VWDE: variants seen among roughly 807,000 people sequenced by gnomAD.
VWDE encodes von Willebrand factor D and EGF domains.
A neutral mutation model predicts 178.4 loss-of-function variants in VWDE; 207 were observed. The ratio of observed to expected loss-of-function variants is 1.16; its 90% CI spans 1.04 to 1.30. The LOEUF (loss-of-function observed/expected upper bound fraction) is 1.30. Among genes scored for constraint, VWDE ranks in the 50% most tolerant of loss-of-function variants. The probability of loss-of-function intolerance (pLI) is 0.00; values close to 1 mark genes in which losing one functional copy is unlikely to be tolerated. For synonymous variants in VWDE, 738 were observed against 651.4 expected (o/e 1.13, Z -2.02); for missense variants, 2,287 against 1,901.3 (o/e 1.20, Z -3.77).
At chr7:12,391,448 T>C (rs113555189) in intron 2 of VWDE, among the ~76,000 whole-genome samples, 20 of 152,304 alleles carry the variant, frequency 1.3e-4, no homozygotes, top group African/African-American at 4.8e-4. Flanking sequence ...GGTTAGCTGA[T>C]CTCCAGGAAA....
rs569143066 is a variant in VWDE, at chr7:12,336,483, T to C, written c.4559-247A>G. On this transcript the variant is annotated intron_variant, in intron 26 of 28. Coordinates refer to ENST00000275358, the MANE Select transcript of VWDE (RefSeq NM_001135924.3). ...TCGTGATTTAACTTTTCTCCAGTTG[T>C]TGGACATCTATGTTGCTTCTCATTT... Among the ~76,000 whole-genome samples, 199 of 152,350 alleles carry C rather than the reference T, an allele frequency of 1.3e-3. 1 individual carries two copies. The highest frequency in any genetic ancestry group is 4.5e-3 in the African/African-American group (187 of 41,576).
chr7:12,331,760 A>G (rs1247714363), intron 28 of VWDE, among the ~76,000 whole-genome samples: 2 of 152,142 alleles, frequency 1.3e-5, no homozygotes, highest in East Asian at 3.9e-4. Flanking sequence ...AACTTGCCTG[A>G]AATCACAGAG....
chr7:12,397,718 G>A (rs540091766), intron 1 of VWDE, among the ~76,000 whole-genome samples: 23 of 151,940 alleles, frequency 1.5e-4, no homozygotes, highest in African/African-American at 5.3e-4. Flanking sequence ...ATATTTCAAC[G>A]AGAAAAAACA....
At chr7:12,356,088 T>C (rs1166399951) in intron 18 of VWDE, 23 bp downstream of exon 18, 3 of 1,540,922 alleles carry the variant, frequency 1.9e-6, no homozygotes, top group East Asian at 2.5e-5. Flanking sequence ...CTTTCTAATT[T>C]GTTATGAGGA....
chr7:12,392,692 G>T (rs561620575), intron 2 of VWDE, among the ~76,000 whole-genome samples: 1 of 151,430 alleles, frequency 6.6e-6, no homozygotes, highest in Non-Finnish European at 1.5e-5. Context: ...AAATGTATTT[G>T]TCAAATGAAA....
chr7:12,336,262 A>T (rs1437061579), intron 26 of VWDE, 26 bp from the exon 27 acceptor site: 31 of 1,540,404 alleles, frequency 2.0e-5, no homozygotes, highest in Non-Finnish European at 2.5e-5. Flanking sequence ...TAAACAAGTT[A>T]AAATTTTAAA....
chr7:12,393,451 G>T lies in VWDE; in HGVS notation c.243+143C>A, dbSNP rs113052488. ...TACTATTATTATTAGACTAGGTAAT[G>T]TGGGAATAGTCTTTCAGATTAACTC... On this transcript the variant is annotated intron_variant, in intron 2 of 28. Coordinates refer to ENST00000275358, the MANE Select transcript of VWDE (RefSeq NM_001135924.3). 17 of 670,358 alleles carry T rather than the reference G, an allele frequency of 2.5e-5. 1 individual carries two copies. Among genetic ancestry groups the T allele is most frequent in the African/African-American group, 2.4e-4 (13 of 54,764 alleles). The allele number at this position is 670,358 out of a possible 1,614,324, so 41.5% of individuals were successfully genotyped here. A position where few individuals can be genotyped will look rare whatever the true frequency, so the allele number is the denominator to read the frequency against.
intron 2 of VWDE, among the ~76,000 whole-genome samples, chr7:12,390,569 TTAAA>T (rs1473292553): frequency 6.6e-6 from 1 of 151,622 alleles, no homozygotes; most frequent in African/African-American, 2.4e-5. Flanking sequence ...AATATAAAAG[TTAAA>T]TAATAAAATT....
rs573118927 is a variant in VWDE, at chr7:12,366,038, A to T, written c.2898+1319T>A. On this transcript the variant is annotated intron_variant, in intron 13 of 28. Coordinates refer to ENST00000275358, the MANE Select transcript of VWDE (RefSeq NM_001135924.3). The stretch of plus-strand genomic sequence containing the variant: ...AATTCTCATGAGATCTCGATGGTTT[A>T]AAAGTGGCAGCGTCCCTCTTAACTC... Among the ~76,000 whole-genome samples the T allele has an allele frequency of 1.2e-3, 180 of 152,090 alleles. 1 individual carries two copies. The highest frequency in any genetic ancestry group is 4.0e-3 in the African/African-American group (167 of 41,494).
chr7:12,381,178 C>G, intron 4 of VWDE, among the ~76,000 whole-genome samples: 1 of 152,156 alleles, frequency 6.6e-6, no homozygotes, highest in East Asian at 1.9e-4. Context: ...TATCATTACT[C>G]TGGGCTGAAA....
chr7:12,389,719 A>G (rs1392424046), intron 2 of VWDE, among the ~76,000 whole-genome samples: 1 of 152,250 alleles, frequency 6.6e-6, no homozygotes, highest in Non-Finnish European at 1.5e-5. Flanking sequence ...CACATAACAC[A>G]AAGATAAACT....
At chr7:12,341,635 G>GA (rs5882355) in intron 23 of VWDE, among the ~76,000 whole-genome samples, 95,899 of 147,982 alleles carry the variant, frequency 0.65, 31,560 homozygotes, top group African/African-American at 0.81. Context: ...CTGTCTAAAT[G>GA]AAAAAAAAAA....
chr7:12,395,381 T>C (rs932215408), intron 1 of VWDE, among the ~76,000 whole-genome samples: 3 of 152,168 alleles, frequency 2.0e-5, no homozygotes, highest in African/African-American at 7.2e-5. Context: ...CTGATCTCTT[T>C]TCTACAACAG....
intron 1 of VWDE, among the ~76,000 whole-genome samples, chr7:12,401,132 T>C (rs2128566055): frequency 6.6e-6 from 1 of 152,248 alleles, no homozygotes; most frequent in South Asian, 2.1e-4. Context: ...CTAGATGCTT[T>C]CCTATAAAAT....
intron 2 of VWDE, among the ~76,000 whole-genome samples, chr7:12,391,445 T>C (rs1784385283): frequency 6.6e-6 from 1 of 152,252 alleles, no homozygotes; most frequent in South Asian, 2.1e-4. Context: ...TCAGGTTAGC[T>C]GATCTCCAGG....
In VWDE at chr7:12,370,204, T is replaced by G. The variant is rs754855965; in HGVS notation, c.2102A>C (p.His701Pro). 1.3e-6 allele frequency: 2 copies of G among 1,551,306 alleles called. No individual in the cohort carries two copies. The highest frequency in any genetic ancestry group is 2.4e-5 in the South Asian group (2 of 84,020). ...TAAGCCGAGTTTAGTCAGGTTTATG[T>G]GTTTTTTTTCTTGCAGAAATAAATT... ...NLNLFLQEKKHINLTKLGLNV... is the reference protein window; with the variant it reads ...NLNLFLQEKKPINLTKLGLNV... The change falls in exon 12 of 29, where the codon CAC becomes CCC. Residue 701 changes from histidine to proline, a missense_variant. Transcript: ENST00000275358.
chr7:12,333,988 T>C (rs144035718), intron 27 of VWDE, among the ~76,000 whole-genome samples: 324 of 152,262 alleles, frequency 2.1e-3, no homozygotes, highest in African/African-American at 7.6e-3. Flanking sequence ...TTTGACAATT[T>C]TTATACTATC....
intron 27 of VWDE, among the ~76,000 whole-genome samples, chr7:12,334,728 G>T (rs74611419): frequency 0.023 from 3,578 of 152,276 alleles, 76 homozygotes; most frequent in East Asian, 0.073. Context: ...ACAGCTTCAG[G>T]CTGTGCTCAG....
chr7:12,363,766 C>T (rs1290474604), intron 13 of VWDE, among the ~76,000 whole-genome samples: 2 of 151,948 alleles, frequency 1.3e-5, no homozygotes, highest in Non-Finnish European at 2.9e-5. Flanking sequence ...ACTCTTAGAA[C>T]TATAATATTT....
Sources: gnomAD v4.1 joint callset for allele counts (sites outside exome capture counted in the v4.1 genomes callset) on GRCh38, gnomAD v4.1.1 for gene constraint, MANE v1.5 for transcripts, NCBI Gene and HGNC (gene_info 2026-07-23, HGNC 2026-07-21) for gene names.